Variants in VWF observed in about 807,000 individuals in gnomAD.
VWF encodes the protein von Willebrand factor, also known as Factor VIII related antigen.
In VWF, 176 loss-of-function variants were observed where a neutral mutation model predicts 308.6. That is an observed-to-expected ratio of 0.57 (90% CI 0.50 to 0.65). The LOEUF (loss-of-function observed/expected upper bound fraction) is 0.65, where lower values mean the gene tolerates loss of function less well. VWF is among the 30% of genes least tolerant of loss of function. The pLI is 0.00. For synonymous variants in VWF, 1,385 were observed against 1,443.4 expected (o/e 0.96, Z 0.92); for missense variants, 3,146 against 3,648.2 (o/e 0.86, Z 3.55).
Position 5,969,184 on chromosome 12 carries a change from A to G in VWF, c.7729+27T>C, listed in dbSNP as rs555564965. ...GAGGCTTAAAGGTGGTGCCCGGTCC[A>G]GCCCAGCCCCAGCCTGCATGCCTTA... On this transcript the variant is annotated intron_variant, in intron 45 of 51. Transcript: ENST00000261405. 161 of 1,600,120 alleles carry G rather than the reference A, an allele frequency of 1.0e-4. 1 individual carries two copies. The South Asian group carries it at 1.6e-3, about 16-fold the overall frequency.
chr12:5,991,730 T>A, intron 38 of VWF, 89 bp downstream of exon 38: 1 of 1,432,426 alleles, frequency 7.0e-7, no homozygotes, highest in Non-Finnish European at 9.8e-7. Flanking sequence ...GCTGCCACAG[T>A]TGGAAGAGGC....
At chr12:6,087,655 C>T (rs116243535) in intron 6 of VWF, among the ~76,000 whole-genome samples, 3,505 of 151,980 alleles carry the variant, frequency 0.023, 142 homozygotes, top group African/African-American at 0.079. Flanking sequence ...TGAGCCCCCG[C>T]GCCTGGCCAA....
intron 3 of VWF, among the ~76,000 whole-genome samples, chr12:6,115,482 A>G (rs1347116168): frequency 6.6e-6 from 1 of 152,186 alleles, no homozygotes; most frequent in Non-Finnish European, 1.5e-5. Flanking sequence ...CTCAGGACAC[A>G]CACACACACG....
chr12:6,055,666 T>C (rs996129562), intron 15 of VWF, among the ~76,000 whole-genome samples: 1 of 152,030 alleles, frequency 6.6e-6, no homozygotes, highest in African/African-American at 2.4e-5. Flanking sequence ...TCCCCATGCC[T>C]ACACTGCTCC....
Position 6,011,730 on chromosome 12 carries a change from G to T in VWF, c.5729C>A (p.Thr1910Asn). ...GTTGACCCGATGACTCTTCAGCAAG[G>T]TCTGGCCATCTGGCTGGCAAGTCAC... The part of the protein sequence containing the change: ...HTVTCQPDGQ[T>N]LLKSHRVNCD... Residue 1910 changes from threonine to asparagine, a missense_variant, in exon 34 of 52, where the codon ACC becomes AAC. Thr to Asn is a moderately conservative substitution (Grantham distance 65). Around this residue, in one of 3 missense-constraint regions of VWF, gnomAD observed 853 missense variants for 1,177.8 expected, o/e 0.72. Transcript: ENST00000261405. The T allele has an allele frequency of 6.2e-7, 1 of 1,613,872 alleles. No individual in the cohort carries two copies. Among genetic ancestry groups the T allele is most frequent in the South Asian group, 1.1e-5 (1 of 91,052 alleles).
chr12:6,087,290 C>A (rs536956434), intron 6 of VWF, among the ~76,000 whole-genome samples: 2 of 151,682 alleles, frequency 1.3e-5, no homozygotes, highest in Non-Finnish European at 2.9e-5. Context: ...AGGAGGGCTG[C>A]CTAGGGCTGA....
chr12:6,044,999 T>C (rs1944433718), intron 17 of VWF, among the ~76,000 whole-genome samples: 1 of 152,156 alleles, frequency 6.6e-6, no homozygotes, highest in African/African-American at 2.4e-5. Context: ...TCCCTGCTGC[T>C]TCCCCTCTGA....
chr12:6,078,592 G>C (rs1318582704), intron 6 of VWF, among the ~76,000 whole-genome samples: 1 of 152,190 alleles, frequency 6.6e-6, no homozygotes, highest in Non-Finnish European at 1.5e-5. Context: ...TGCACTCCCT[G>C]GGGTTTTCCT....
At chr12:5,951,065 G>A (rs56769453) in intron 50 of VWF, among the ~76,000 whole-genome samples, 25,917 of 152,022 alleles carry the variant, frequency 0.17, 2,404 homozygotes, top group Middle Eastern at 0.22. Flanking sequence ...TGAACCCAGG[G>A]CAGAAAAGAA....
chr12:6,074,380 C>T (rs556420414), intron 7 of VWF, among the ~76,000 whole-genome samples: 7 of 151,586 alleles, frequency 4.6e-5, no homozygotes, highest in African/African-American at 1.7e-4. Flanking sequence ...ACTGAAAGAC[C>T]GAAACACATA....
intron 47 of VWF, among the ~76,000 whole-genome samples, chr12:5,967,140 T>C (rs1943412292): frequency 6.6e-6 from 1 of 152,200 alleles, no homozygotes; most frequent in South Asian, 2.1e-4. Flanking sequence ...TGATAAATAT[T>C]TGTTGACTAA....
At chr12:5,957,155 C>CTGG (rs1250135714) in intron 47 of VWF, among the ~76,000 whole-genome samples, 1 of 152,158 alleles carries the variant, frequency 6.6e-6, no homozygotes, top group African/African-American at 2.4e-5. Context: ...GGTTTGTCAC[C>CTGG]TGGGAGTAAC....
chr12:6,110,635 G>A lies in VWF; in HGVS notation c.324-53C>T, dbSNP rs1028094571. The A allele has an allele frequency of 4.4e-6, 7 of 1,580,580 alleles. No homozygotes were observed. In the African/African-American group the frequency reaches 5.4e-5, roughly 12 times the overall value. ...TGGGCTTCTTGTGCATTTTCTGGAT[G>A]TCTCTCCCACCTTCTAACCCCAACC... On this transcript the variant is annotated intron_variant, in intron 4 of 51. Coordinates refer to ENST00000261405, the MANE Select transcript of VWF (RefSeq NM_000552.5).
At chr12:6,110,269 C>T in intron 5 of VWF, 105 bp downstream of exon 5, 1 of 1,213,726 alleles carries the variant, frequency 8.2e-7, no homozygotes, top group Non-Finnish European at 1.2e-6. Context: ...GGTGAGGTCA[C>T]AGTGAGGCTT....
At chr12:6,094,699 C>A (rs1945085385) in intron 6 of VWF, among the ~76,000 whole-genome samples, 1 of 151,906 alleles carries the variant, frequency 6.6e-6, no homozygotes, top group South Asian at 2.1e-4. Context: ...GATGAGAGCA[C>A]TTCAGTGTAC....
chr12:6,051,510 G>A (rs976031540), intron 16 of VWF, among the ~76,000 whole-genome samples: 2 of 152,096 alleles, frequency 1.3e-5, no homozygotes, highest in Non-Finnish European at 2.9e-5. Context: ...TACTGACCTC[G>A]TGATCCGCCC....
intron 34 of VWF, among the ~76,000 whole-genome samples, chr12:6,005,262 C>T (rs1409167411): frequency 6.6e-6 from 1 of 152,018 alleles, no homozygotes; most frequent in Non-Finnish European, 1.5e-5. Context: ...ATATGAATAG[C>T]TTACAACAAG....
chr12:6,073,686 C>T lies in VWF; in HGVS notation c.930G>A (p.Arg310=), dbSNP rs753536993. 6.2e-7 allele frequency: 1 copy of T among 1,614,088 alleles called. No homozygotes were observed. Among genetic ancestry groups the T allele is most frequent in the East Asian group, 2.2e-5 (1 of 44,874 alleles). The change falls in exon 8 of 52, where the codon AGG becomes AGA. Residue 310 remains arginine, a synonymous_variant. Coordinates refer to ENST00000261405, the MANE Select transcript of VWF (RefSeq NM_000552.5). ...EYRQCVSPCA[R]TCQSLHINEM... ...CATTGATGTGCAGGCTCTGGCAGGTCCTGGCGCAAGGGGACACACACTGCC... is the reference window on the plus strand; with the variant it reads ...CATTGATGTGCAGGCTCTGGCAGGTTCTGGCGCAAGGGGACACACACTGCC...
intron 38 of VWF, among the ~76,000 whole-genome samples, chr12:5,990,683 C>G (rs216891): frequency 0.5 from 75,217 of 151,388 alleles, 19,394 homozygotes; most frequent in East Asian, 0.75. Flanking sequence ...CACTGTCAAG[C>G]ATGAAGGACA....
Sources: allele counts gnomAD v4.1 joint callset (sites outside exome capture counted in the v4.1 genomes callset), GRCh38; gene constraint gnomAD v4.1.1; regional missense constraint gnomAD v4.1.1; transcripts MANE v1.5; gene names NCBI Gene and HGNC (gene_info 2026-07-23, HGNC 2026-07-21).